BTD: variants seen among roughly 807,000 people sequenced by gnomAD.
BTD encodes biotinidase.
Under a neutral mutation model 17.7 loss-of-function variants are expected in BTD, and 13 were observed. The observed-to-expected ratio is 0.74, with a 90% confidence interval of 0.48 to 1.17. BTD has a LOEUF of 1.17. Among genes scored for constraint, BTD ranks in the 50% most tolerant of loss-of-function variants. The pLI is 0.00. For missense variants in BTD, 674 were observed against 650.4 expected, an observed-to-expected ratio of 1.04 and a Z score of -0.39; for synonymous variants, 240 against 245.2, an observed-to-expected ratio of 0.98 and a Z score of 0.20.
At position 15,651,057 on chromosome 3, in the gene BTD, C is replaced by T. The variant is rs974297095; in HGVS notation, c.*5569C>T. ...TGCTGGGATTACAGGCGTGAGCCAC[C>T]GTACCCGGCCAGGGCTGTGATATTC... is the stretch of plus-strand genomic sequence containing the variant. On this transcript the variant is annotated 3_prime_UTR_variant, in exon 4 of 4. Transcript: ENST00000643237. Among the ~76,000 whole-genome samples, 5 of 152,192 alleles carry T rather than the reference C, an allele frequency of 3.3e-5. No individual in the cohort carries two copies. The highest frequency in any genetic ancestry group is 2.6e-4 in the Admixed American group (4 of 15,280).
intron 3 of BTD, among the ~76,000 whole-genome samples, chr3:15,665,217 T>C (rs1029929234): frequency 6.6e-6 from 1 of 151,956 alleles, no homozygotes; most frequent in African/African-American, 2.4e-5. Context: ...GAGGGAGAGA[T>C]GGAGAACTGA....
At chr3:15,698,247 G>T (rs1262377766) in intron 3 of BTD, among the ~76,000 whole-genome samples, 2 of 152,084 alleles carry the variant, frequency 1.3e-5, no homozygotes, top group Non-Finnish European at 2.9e-5. Context: ...TCTCAAAATA[G>T]TAAGGGCTAG....
intron 4 of BTD, among the ~76,000 whole-genome samples, chr3:15,721,345 A>G (rs1419974117): frequency 6.6e-6 from 1 of 152,240 alleles, no homozygotes; most frequent in Non-Finnish European, 1.5e-5. Context: ...TTCAGGGAAT[A>G]TAATTCACAT....
downstream of BTD, among the ~76,000 whole-genome samples, chr3:15,657,638 C>G (rs1233624554): frequency 1.3e-5 from 2 of 152,084 alleles, no homozygotes; most frequent in Non-Finnish European, 2.9e-5. Context: ...AAGTAAGTAG[C>G]CTTTCCATAT....
chr3:15,647,060 G>A lies in BTD; in HGVS notation c.*1572G>A, dbSNP rs2065710474. The A allele has an allele frequency of 6.6e-6, 1 of 152,292 alleles. No individual in the cohort carries two copies. Among genetic ancestry groups the A allele is most frequent in the Non-Finnish European group, 1.5e-5 (1 of 68,074 alleles). The allele number at this position is 152,292 out of a possible 1,614,324, so 9.4% of individuals were successfully genotyped here. On this transcript the variant is annotated 3_prime_UTR_variant, in exon 4 of 4. Transcript: ENST00000643237. Reference sequence around the variant, plus strand: ...GATCCCTCGGAAAGGTCTGGGATGAGTCAAGTCTTCAGGGAATAAGCAGCA... The same window carrying A: ...GATCCCTCGGAAAGGTCTGGGATGAATCAAGTCTTCAGGGAATAAGCAGCA...
chr3:15,651,314 G>A lies in BTD; in HGVS notation c.*5826G>A, dbSNP rs190296775. Among the ~76,000 whole-genome samples the A allele has an allele frequency of 3.3e-5, 5 of 152,320 alleles. No individual in the cohort carries two copies. Among genetic ancestry groups the A allele is most frequent in the East Asian group, 1.9e-4 (1 of 5,188 alleles). On this transcript the variant is annotated 3_prime_UTR_variant, in exon 4 of 4. Transcript: ENST00000643237. ...GTGATGCCAGTCAGGTATTGCTGCC[G>A]TAAGGGCCATAGCAGGAGGGAGACT...
At chr3:15,676,119 C>T in intron 3 of BTD, 1 of 601,924 alleles carries the variant, frequency 1.7e-6, no homozygotes, top group Admixed American at 3.2e-5. Flanking sequence ...GAAACCTAGT[C>T]CTAATAACAA....
chr3:15,689,874 G>T, intron 3 of BTD: 1 of 670,828 alleles, frequency 1.5e-6, no homozygotes, highest in Non-Finnish European at 2.4e-6. Context: ...AAAGTTATTT[G>T]GTGAGGTCAA....
chr3:15,655,433 T>C (rs1439988676), downstream of BTD, among the ~76,000 whole-genome samples: 1 of 152,250 alleles, frequency 6.6e-6, no homozygotes, highest in Non-Finnish European at 1.5e-5. Context: ...CTGAAAATTG[T>C]TTCAGATCTT....
chr3:15,630,911 C>T (rs1230472757), intron 1 of BTD, among the ~76,000 whole-genome samples: 1 of 151,968 alleles, frequency 6.6e-6, no homozygotes. Flanking sequence ...TTCCAGGGGC[C>T]GGTCACGGAC....
rs368320941 is a variant in BTD at position 15,645,098 on chromosome 3, T to C, written c.1182T>C (p.Tyr394=). Residue 394 remains tyrosine, a synonymous_variant, in exon 4 of 4, where the codon TAT becomes TAC. Transcript: ENST00000643237. ...TCCCTGTCTGGGGAAAGGAAGGCTA[T>C]CTCCACGTCTGTTCCAATGGCCTCT... ...TLVPVWGKEG[Y]LHVCSNGLCC... 1.7e-5 allele frequency: 27 copies of C among 1,613,954 alleles called. No homozygotes were observed. The highest frequency in any genetic ancestry group is 1.6e-4 in the Middle Eastern group (1 of 6,084).
At chr3:15,671,474 C>T (rs916390930) in intron 3 of BTD, among the ~76,000 whole-genome samples, 8 of 152,186 alleles carry the variant, frequency 5.3e-5, no homozygotes, top group Admixed American at 3.9e-4. Flanking sequence ...TCCATATATC[C>T]TCTACCCAGT....
At chr3:15,688,418 T>G (rs149602784) in intron 3 of BTD, among the ~76,000 whole-genome samples, 1 of 152,310 alleles carries the variant, frequency 6.6e-6, no homozygotes, top group Non-Finnish European at 1.5e-5. Context: ...GCCACCAAGT[T>G]TGGCTTTGCA....
At chr3:15,631,432 A>T in intron 1 of BTD, 1 of 1,531,974 alleles carries the variant, frequency 6.5e-7, no homozygotes. Flanking sequence ...TTCAGAAGAC[A>T]CTATTGTAAT....
chr3:15,668,777 T>C (rs2066115669), intron 3 of BTD: 5 of 152,622 alleles, frequency 3.3e-5, no homozygotes. Context: ...CTGTTCTGTG[T>C]TTTCACACTT....
In BTD at chr3:15,707,827, A is replaced by G. The variant is rs573361614; in HGVS notation, c.400-2233A>G. On this transcript the variant is annotated intron_variant, in intron 3 of 3. Coordinates refer to the BTD transcript ENST00000672141. Reference sequence around the variant, plus strand: ...AGGGCAAAGATAATCAACAAAAAATACAAAGAGGAAACACAAATTTGCAAC... The same window carrying G: ...AGGGCAAAGATAATCAACAAAAAATGCAAAGAGGAAACACAAATTTGCAAC... 1.5e-5 allele frequency: 21 copies of G among 1,418,974 alleles called. No individual in the cohort carries two copies. In the South Asian group the frequency reaches 2.2e-4, roughly 15 times the overall value. The allele number at this position is 1,418,974 out of a possible 1,614,324, so 87.9% of individuals were successfully genotyped here.
At chr3:15,677,470 G>C in intron 3 of BTD, 6 of 1,592,512 alleles carry the variant, frequency 3.8e-6, no homozygotes, top group Non-Finnish European at 5.2e-6. Flanking sequence ...TTCTTAAGAT[G>C]TATACATACC....
chr3:15,716,861 C>T (rs2073135516), downstream of BTD, among the ~76,000 whole-genome samples: 1 of 152,120 alleles, frequency 6.6e-6, no homozygotes, highest in Non-Finnish European at 1.5e-5. Flanking sequence ...CTTGGGGAGG[C>T]CAAAGCGGAA....
At chr3:15,654,461 G>A (rs1248011648), downstream of BTD, among the ~76,000 whole-genome samples, 1 of 152,042 alleles carries the variant, frequency 6.6e-6, no homozygotes, top group Non-Finnish European at 1.5e-5. Flanking sequence ...CTCACTGAGG[G>A]GAATGTAATA....
Sources: gnomAD v4.1 joint callset for allele counts (sites outside exome capture counted in the v4.1 genomes callset) on GRCh38, gnomAD v4.1.1 for gene constraint, MANE v1.5 for transcripts, NCBI Gene and HGNC (gene_info 2026-07-23, HGNC 2026-07-21) for gene names.